The following AGBL3 variants were observed in gnomAD, a reference collection of about 807,000 sequenced individuals.
AGBL3 encodes the protein AGBL carboxypeptidase 3.
AGBL3 carries 68 observed loss-of-function variants against 94.5 expected under a neutral mutation model. That is an observed-to-expected ratio of 0.72 (90% CI 0.59 to 0.88). The LOEUF (loss-of-function observed/expected upper bound fraction) is 0.88. AGBL3 is among the 40% of genes least tolerant of loss of function. The pLI, the probability that AGBL3 is intolerant of heterozygous loss-of-function variation, is 0.00. For synonymous variants in AGBL3, 354 were observed against 370.7 expected (o/e 0.95, Z 0.52); for missense variants, 934 against 1,103.8 (o/e 0.85, Z 2.18).
At chr7:135,012,882 A>G (rs1219280370) in intron 4 of AGBL3, among the ~76,000 whole-genome samples, 1 of 152,182 alleles carries the variant, frequency 6.6e-6, no homozygotes, top group Non-Finnish European at 1.5e-5. Context: ...GTAGTTATAG[A>G]TAAGGCAACA....
intron 4 of AGBL3, among the ~76,000 whole-genome samples, chr7:135,002,309 G>A (rs1382571658): frequency 6.6e-6 from 1 of 152,130 alleles, no homozygotes; most frequent in Admixed American, 6.6e-5. Flanking sequence ...GCTTCCAGTT[G>A]TCCTCTCCTG....
chr7:135,108,364 T>C (rs1157568127), intron 15 of AGBL3, among the ~76,000 whole-genome samples: 3 of 152,222 alleles, frequency 2.0e-5, no homozygotes, highest in Non-Finnish European at 2.9e-5. Flanking sequence ...TTTCCATATT[T>C]AGTGCTCCTT....
chr7:135,035,806 G>A, intron 7 of AGBL3, among the ~76,000 whole-genome samples: 1 of 152,016 alleles, frequency 6.6e-6, no homozygotes, highest in Non-Finnish European at 1.5e-5. Flanking sequence ...GAAAGACTGA[G>A]AAATTTGTGG....
At chr7:135,105,489 A>C (rs905990273) in intron 15 of AGBL3, among the ~76,000 whole-genome samples, 1 of 152,212 alleles carries the variant, frequency 6.6e-6, no homozygotes, top group East Asian at 1.9e-4. Context: ...TTGAATAGGG[A>C]ATCTTTCCCC....
intron 16 of AGBL3, among the ~76,000 whole-genome samples, chr7:135,124,475 T>C (rs184713687): frequency 6.6e-6 from 1 of 152,274 alleles, no homozygotes; most frequent in Admixed American, 6.5e-5. Flanking sequence ...CTGTCAATAT[T>C]AGACAGATCA....
At chr7:134,997,044 G>A (rs1584765780) in intron 4 of AGBL3, among the ~76,000 whole-genome samples, 1 of 152,124 alleles carries the variant, frequency 6.6e-6, no homozygotes, top group East Asian at 1.9e-4. Context: ...TCGGCACCAG[G>A]GACCAGTTTC....
At chr7:135,071,166 G>C (rs1271101702) in intron 12 of AGBL3, among the ~76,000 whole-genome samples, 1 of 151,990 alleles carries the variant, frequency 6.6e-6, no homozygotes, top group Admixed American at 6.6e-5. Flanking sequence ...AACTTACAAG[G>C]GACGTGAAGG....
chr7:135,068,833 G>A (rs1028349893), intron 12 of AGBL3, among the ~76,000 whole-genome samples: 2 of 152,126 alleles, frequency 1.3e-5, no homozygotes, highest in Admixed American at 6.5e-5. Flanking sequence ...ATCAACTAAC[G>A]AGCAAAATAA....
At chr7:135,035,063 C>A in intron 7 of AGBL3, 135 bp downstream of exon 7, 1 of 795,528 alleles carries the variant, frequency 1.3e-6, no homozygotes, top group Non-Finnish European at 1.8e-6. Flanking sequence ...TATTTTTTCC[C>A]CGTTATTCAC....
Position 135,037,505 on chromosome 7 carries a change from T to C in AGBL3, c.1425T>C (p.Gly475=), listed in dbSNP as rs1467233907. The C allele has an allele frequency of 1.3e-6, 2 of 1,549,586 alleles. No individual in the cohort carries two copies. The highest frequency in any genetic ancestry group is 1.7e-6 in the Non-Finnish European group (2 of 1,145,904). ...KENIFMYGCD[G]SDRSKTLYLQ... Reference sequence around the variant, plus strand: ...ACATCTTCATGTATGGCTGTGATGGTAGTGACAGATCTAAGACATTATACT... The same window carrying C: ...ACATCTTCATGTATGGCTGTGATGGCAGTGACAGATCTAAGACATTATACT... The change falls in exon 8 of 17, where the codon GGT becomes GGC. Residue 475 remains glycine, a synonymous_variant. Transcript: ENST00000436302.
intron 4 of AGBL3, chr7:135,009,941 A>G: frequency 2.6e-6 from 1 of 390,758 alleles, no homozygotes; most frequent in South Asian, 1.9e-5. Context: ...TTGCCCTGCA[A>G]CCTCTTCTAT....
intron 12 of AGBL3, among the ~76,000 whole-genome samples, chr7:135,071,283 A>T (rs1819882316): frequency 6.6e-6 from 1 of 152,162 alleles, no homozygotes; most frequent in Non-Finnish European, 1.5e-5. Context: ...TATCGTGAAA[A>T]TGGTAAATTT....
chr7:134,987,394 A>G (rs1809605045), intron 1 of AGBL3, among the ~76,000 whole-genome samples: 1 of 152,254 alleles, frequency 6.6e-6, no homozygotes, highest in Non-Finnish European at 1.5e-5. Context: ...AAGAATAAGA[A>G]TAATATAAAT....
chr7:134,997,483 A>G (rs1312546495), intron 4 of AGBL3, among the ~76,000 whole-genome samples: 4 of 152,212 alleles, frequency 2.6e-5, no homozygotes, highest in Non-Finnish European at 5.9e-5. Context: ...AAATCAGGGA[A>G]GCTCATCTAG....
At chr7:135,124,264 A>ATT (rs1255011886) in intron 16 of AGBL3, among the ~76,000 whole-genome samples, 1 of 152,202 alleles carries the variant, frequency 6.6e-6, no homozygotes, top group Admixed American at 6.5e-5. Flanking sequence ...CTCTGACAAA[A>ATT]TAGACTTTAA....
intron 16 of AGBL3, among the ~76,000 whole-genome samples, chr7:135,119,742 C>T (rs1240607915): frequency 2.0e-5 from 3 of 151,950 alleles, no homozygotes; most frequent in African/African-American, 7.2e-5. Context: ...CTGGGCGTGG[C>T]AGCGGGTGCC....
At chr7:135,030,158 T>TAA (rs74392929) in intron 5 of AGBL3, among the ~76,000 whole-genome samples, 139 of 117,416 alleles carry the variant, frequency 1.2e-3, no homozygotes, top group African/African-American at 3.6e-3. Context: ...TTTAATTTGT[T>TAA]AAAAAAAAAA....
intron 12 of AGBL3, among the ~76,000 whole-genome samples, chr7:135,068,701 C>T (rs1476635126): frequency 6.6e-6 from 1 of 152,108 alleles, no homozygotes; most frequent in South Asian, 2.1e-4. Flanking sequence ...ATTTTTGTCA[C>T]CAGCAGGCCT....
At chr7:135,113,366 TTTCA>T (rs1283093297) in intron 15 of AGBL3, among the ~76,000 whole-genome samples, 2 of 152,204 alleles carry the variant, frequency 1.3e-5, no homozygotes, top group Non-Finnish European at 2.9e-5. Context: ...GCTACTCTTG[TTTCA>T]TCTGTTTTCC....
Sources: allele counts gnomAD v4.1 joint callset (sites outside exome capture counted in the v4.1 genomes callset), GRCh38; gene constraint gnomAD v4.1.1; transcripts MANE v1.5; gene names NCBI Gene and HGNC (gene_info 2026-07-23, HGNC 2026-07-21).